Variants in FOCAD observed in about 807,000 individuals in gnomAD.
FOCAD encodes the protein focadhesin.
Under a neutral mutation model 225.6 loss-of-function variants are expected in FOCAD, and 198 were observed. That is an observed-to-expected ratio of 0.88 (90% confidence interval 0.78 to 0.99). The LOEUF (loss-of-function observed/expected upper bound fraction) is 0.99. Ranked by LOEUF, FOCAD falls within the 50% of genes least tolerant of loss-of-function variation. FOCAD has a pLI of 0.00. For missense variants in FOCAD, 2,713 were observed against 2,123.6 expected (o/e 1.28, Z -5.46); for synonymous variants, 897 against 755.0 (o/e 1.19, Z -3.08).
chr9:20,811,405 A>T (rs1047218162), intron 11 of FOCAD, among the ~76,000 whole-genome samples: 2 of 152,088 alleles, frequency 1.3e-5, no homozygotes, highest in African/African-American at 4.8e-5. Flanking sequence ...TTGTTATTCA[A>T]GGAATCACTA....
At chr9:20,936,569 C>T (rs1407421543) in intron 28 of FOCAD, among the ~76,000 whole-genome samples, 2 of 152,126 alleles carry the variant, frequency 1.3e-5, no homozygotes, top group Non-Finnish European at 2.9e-5. Flanking sequence ...TGGCTCACGC[C>T]TGTAATCCCA....
chr9:20,988,374 A>T lies in FOCAD; in HGVS notation c.4949A>T (p.Tyr1650Phe). The change falls in exon 41 of 44, where the codon TAT becomes TTT. Residue 1650 changes from tyrosine to phenylalanine, a missense_variant. By Grantham distance (22) the Tyr-to-Phe change is conservative. Transcript: ENST00000338382. ...RMEWLLELMG[Y>F]IRNVAYQSTS... ...GAGTGGCTCTTGGAACTGATGGGTT[A>T]TATTAGAAATGTTGCTTACCAGTCA... 6.2e-7 allele frequency: 1 copy of T among 1,612,394 alleles called. No individual in the cohort carries two copies. Among genetic ancestry groups the T allele is most frequent in the South Asian group, 1.1e-5 (1 of 90,904 alleles).
At chr9:20,859,263 T>G (rs1019337323) in intron 15 of FOCAD, among the ~76,000 whole-genome samples, 3 of 151,940 alleles carry the variant, frequency 2.0e-5, no homozygotes, top group Non-Finnish European at 4.4e-5. Flanking sequence ...ATGCCTGTAA[T>G]TCCAGCTACT....
At chr9:20,889,363 A>T (rs1413598177) in intron 21 of FOCAD, among the ~76,000 whole-genome samples, 1 of 152,180 alleles carries the variant, frequency 6.6e-6, no homozygotes, top group Non-Finnish European at 1.5e-5. Flanking sequence ...ACCACATTTA[A>T]TTTATCCATC....
At chr9:20,829,056 G>T (rs1242685752) in intron 15 of FOCAD, among the ~76,000 whole-genome samples, 1 of 152,086 alleles carries the variant, frequency 6.6e-6, no homozygotes, top group Non-Finnish European at 1.5e-5. Flanking sequence ...ATTTGGGATT[G>T]ATTCCATGTC....
At chr9:20,936,555 G>C (rs768560002) in intron 28 of FOCAD, among the ~76,000 whole-genome samples, 1 of 152,114 alleles carries the variant, frequency 6.6e-6, no homozygotes, top group African/African-American at 2.4e-5. Flanking sequence ...GAGGCCGGGC[G>C]CGGTGGCTCA....
chr9:20,852,345 G>T (rs750564175), intron 15 of FOCAD, among the ~76,000 whole-genome samples: 7 of 151,512 alleles, frequency 4.6e-5, no homozygotes, highest in African/African-American at 7.3e-5. Context: ...AGGCATGTTT[G>T]TTCCTTGTTA....
intron 1 of FOCAD, among the ~76,000 whole-genome samples, chr9:20,690,977 C>T (rs1424840748): frequency 6.6e-6 from 1 of 151,462 alleles, no homozygotes; most frequent in Non-Finnish European, 1.5e-5. Flanking sequence ...GAGTCTCACT[C>T]TGTCGACCAG....
chr9:20,722,578 C>T (rs1291274864), intron 4 of FOCAD, among the ~76,000 whole-genome samples: 1 of 152,244 alleles, frequency 6.6e-6, no homozygotes, highest in Non-Finnish European at 1.5e-5. Flanking sequence ...CCAGATATTT[C>T]TGAATAAGTG....
At chr9:20,962,417 C>CACATACATACATACATACATACAT (rs60723308) in intron 35 of FOCAD, among the ~76,000 whole-genome samples, 2 of 149,086 alleles carry the variant, frequency 1.3e-5, no homozygotes, top group Non-Finnish European at 1.5e-5. Flanking sequence ...TATACACACA[C>CACATACATACATACATACATACAT]ACATACATAC....
At chr9:20,688,905 A>AAC (rs1193035753) in intron 1 of FOCAD, among the ~76,000 whole-genome samples, 1 of 152,234 alleles carries the variant, frequency 6.6e-6, no homozygotes, top group Non-Finnish European at 1.5e-5. Context: ...AATTCAGTAG[A>AAC]ACCAGAGATG....
At chr9:20,940,657 A>G (rs777563283) in intron 28 of FOCAD, among the ~76,000 whole-genome samples, 1 of 152,140 alleles carries the variant, frequency 6.6e-6, no homozygotes, top group Admixed American at 6.6e-5. Flanking sequence ...GCATTTTCAC[A>G]TCTGTTTCTC....
chr9:20,887,231 T>G (rs1587508676), intron 21 of FOCAD, among the ~76,000 whole-genome samples: 1 of 152,086 alleles, frequency 6.6e-6, no homozygotes, highest in East Asian at 1.9e-4. Flanking sequence ...TTTCTTTCCT[T>G]TTTCTTTCTC....
At chr9:20,782,954 A>G (rs1163121255) in intron 10 of FOCAD, among the ~76,000 whole-genome samples, 1 of 152,216 alleles carries the variant, frequency 6.6e-6, no homozygotes, top group East Asian at 1.9e-4. Flanking sequence ...ATCGATTTGA[A>G]TTGAGAGAGA....
chr9:20,977,537 A>T (rs1442219775), intron 36 of FOCAD, among the ~76,000 whole-genome samples: 2 of 152,202 alleles, frequency 1.3e-5, no homozygotes, highest in Admixed American at 6.5e-5. Context: ...TAAAGTAAGA[A>T]GGGGAGATGA....
intron 29 of FOCAD, among the ~76,000 whole-genome samples, chr9:20,945,789 T>G (rs545067898): frequency 4.6e-5 from 7 of 152,290 alleles, no homozygotes; most frequent in African/African-American, 1.7e-4. Flanking sequence ...CCCTCTGATG[T>G]TTTATTATTC....
rs1564230479 is a variant in FOCAD, at chr9:20,976,406, ACTGT to A, written c.4133-9_4133-6del. 1 of 1,609,820 alleles carries A rather than the reference ACTGT, an allele frequency of 6.2e-7. No homozygotes were observed. The highest frequency in any genetic ancestry group is 1.1e-5 in the South Asian group (1 of 90,784). ...TGCAGGTGTTTTACTATTATTTTTC[ACTGT>A]CTGTTATAGGTCCTGAATCTGTGCC... On this transcript the variant is annotated splice_polypyrimidine_tract_variant and intron_variant, in intron 35 of 43. Coordinates refer to ENST00000338382, the MANE Select transcript of FOCAD (RefSeq NM_001375567.1).
At chr9:20,925,558 C>G (rs902366581) in intron 25 of FOCAD, among the ~76,000 whole-genome samples, 6 of 152,292 alleles carry the variant, frequency 3.9e-5, no homozygotes, top group African/African-American at 1.4e-4. Flanking sequence ...ATTATTCAAA[C>G]CTGCATGTGA....
chr9:20,661,018 G>A (rs929472182), intron 2 of FOCAD, among the ~76,000 whole-genome samples: 4 of 152,166 alleles, frequency 2.6e-5, no homozygotes, highest in African/African-American at 4.8e-5. Context: ...GGAGGTTTAA[G>A]ACAGAGAGGA....
Sources: allele counts gnomAD v4.1 joint callset (sites outside exome capture counted in the v4.1 genomes callset), GRCh38; gene constraint gnomAD v4.1.1; transcripts MANE v1.5; gene names NCBI Gene and HGNC (gene_info 2026-07-23, HGNC 2026-07-21).